Variants in MACROD2 observed in about 807,000 individuals in gnomAD.
The protein encoded by MACROD2 is mono-ADP ribosylhydrolase 2, also known as ADP-ribose glycohydrolase MACROD2.
In MACROD2, 36 loss-of-function variants were observed where a neutral mutation model predicts 70.4. The observed-to-expected ratio is 0.51, with a 90% confidence interval of 0.39 to 0.68. The LOEUF (loss-of-function observed/expected upper bound fraction) is 0.68. Among genes scored for constraint, MACROD2 ranks in the 30% least tolerant of loss-of-function variants. MACROD2 has a pLI of 0.00. For missense variants in MACROD2, 496 were observed against 538.4 expected, an observed-to-expected ratio of 0.92 and a Z score of 0.78; for synonymous variants, 172 against 178.8, an observed-to-expected ratio of 0.96 and a Z score of 0.30.
intron 8 of MACROD2, among the ~76,000 whole-genome samples, chr20:15,696,447 T>A (rs6034263): frequency 0.29 from 44,196 of 152,024 alleles, 8,585 homozygotes; most frequent in African/African-American, 0.56. Flanking sequence ...TCAGTTAGCT[T>A]GTATTTTGTT....
At chr20:15,423,870 AAAC>A (rs2046262420) in intron 6 of MACROD2, among the ~76,000 whole-genome samples, 1 of 151,986 alleles carries the variant, frequency 6.6e-6, no homozygotes, top group Non-Finnish European at 1.5e-5. Context: ...ACTGTGATTT[AAAC>A]AACAAGCATT....
chr20:15,214,784 G>A (rs2076794389), intron 5 of MACROD2, among the ~76,000 whole-genome samples: 1 of 152,146 alleles, frequency 6.6e-6, no homozygotes, highest in Admixed American at 6.5e-5. Flanking sequence ...TCCTTCAGGA[G>A]GAGATAAGCA....
intron 5 of MACROD2, among the ~76,000 whole-genome samples, chr20:14,728,730 G>A (rs2071559254): frequency 6.6e-6 from 1 of 152,000 alleles, no homozygotes; most frequent in Admixed American, 6.6e-5. Context: ...AATACCACAA[G>A]GAAGAATAGA....
At chr20:14,076,692 C>T (rs973604065) in intron 2 of MACROD2, among the ~76,000 whole-genome samples, 1 of 151,700 alleles carries the variant, frequency 6.6e-6, no homozygotes, top group Non-Finnish European at 1.5e-5. Context: ...ACCTTCCACC[C>T]CCCAAAGAAG....
At chr20:14,613,495 G>C (rs569264873) in intron 4 of MACROD2, among the ~76,000 whole-genome samples, 1 of 152,058 alleles carries the variant, frequency 6.6e-6, no homozygotes, top group African/African-American at 2.4e-5. Flanking sequence ...CAGTGGGGAG[G>C]AAGAAAGAAG....
At chr20:14,692,649 A>T (rs1185380344) in intron 5 of MACROD2, among the ~76,000 whole-genome samples, 1 of 152,186 alleles carries the variant, frequency 6.6e-6, no homozygotes, top group Non-Finnish European at 1.5e-5. Context: ...GACACTCAAG[A>T]GAGAACAACA....
intron 5 of MACROD2, among the ~76,000 whole-genome samples, chr20:14,955,313 A>T (rs2074526165): frequency 1.4e-5 from 2 of 143,182 alleles, no homozygotes; most frequent in South Asian, 4.2e-4. Flanking sequence ...TTTTTATTAT[A>T]TATAATTTAT....
intron 3 of MACROD2, among the ~76,000 whole-genome samples, chr20:14,340,307 A>T (rs2083000039): frequency 6.6e-6 from 1 of 152,206 alleles, no homozygotes; most frequent in Non-Finnish European, 1.5e-5. Flanking sequence ...TGGCTTTGCC[A>T]CATGACTGTA....
At chr20:15,303,937 A>G (rs1050058242) in intron 6 of MACROD2, among the ~76,000 whole-genome samples, 2 of 152,200 alleles carry the variant, frequency 1.3e-5, no homozygotes, top group African/African-American at 4.8e-5. Context: ...CTCACCTAGA[A>G]TGAATCAAGT....
intron 8 of MACROD2, among the ~76,000 whole-genome samples, chr20:15,799,481 A>G (rs1462400169): frequency 6.6e-6 from 1 of 152,090 alleles, no homozygotes; most frequent in Non-Finnish European, 1.5e-5. Context: ...GGGAACCATC[A>G]TTCTATCCCT....
chr20:15,342,740 A>G lies in MACROD2; in HGVS notation c.541-88665A>G, dbSNP rs555014219. Reference sequence around the variant, plus strand: ...ACATTAAATGGATTAAGGAGAAAGCAAGAAAAGAGTGAAAGTGGGGAGGGG... The same window carrying G: ...ACATTAAATGGATTAAGGAGAAAGCGAGAAAAGAGTGAAAGTGGGGAGGGG... On this transcript the variant is annotated intron_variant, in intron 6 of 17. Coordinates refer to ENST00000684519, the MANE Select transcript of MACROD2 (RefSeq NM_001351661.2). 3.3e-5 allele frequency among the ~76,000 whole-genome samples: 5 copies of G among 152,306 alleles called. No individual in the cohort carries two copies. The South Asian group carries it at 6.2e-4, about 19-fold the overall frequency.
At chr20:15,406,017 T>C (rs1489037365) in intron 6 of MACROD2, among the ~76,000 whole-genome samples, 2 of 152,212 alleles carry the variant, frequency 1.3e-5, no homozygotes, top group Non-Finnish European at 1.5e-5. Context: ...TGTCTGCTAC[T>C]GTCTACCCAG....
chr20:15,708,379 G>T (rs1289285684), intron 8 of MACROD2, among the ~76,000 whole-genome samples: 2 of 152,128 alleles, frequency 1.3e-5, no homozygotes, highest in Non-Finnish European at 2.9e-5. Context: ...GGGAGGGCTT[G>T]GCTGAGAAGG....
At chr20:16,024,486 T>C (rs1195011832) in intron 15 of MACROD2, among the ~76,000 whole-genome samples, 1 of 149,054 alleles carries the variant, frequency 6.7e-6, no homozygotes, top group African/African-American at 2.5e-5. Context: ...ACCCAACCCA[T>C]GCAGCCATGT....
intron 4 of MACROD2, among the ~76,000 whole-genome samples, chr20:14,504,805 A>G (rs2084951403): frequency 1.3e-5 from 2 of 152,326 alleles, no homozygotes; most frequent in African/African-American, 4.8e-5. Flanking sequence ...GTATTTATAA[A>G]TAACAGAAAT....
At chr20:14,142,577 C>T (rs914951101) in intron 3 of MACROD2, among the ~76,000 whole-genome samples, 2 of 152,150 alleles carry the variant, frequency 1.3e-5, no homozygotes, top group Non-Finnish European at 2.9e-5. Flanking sequence ...GCTGCCACCA[C>T]ACTTATTATT....
At chr20:15,835,899 T>TG (rs1405030168) in intron 8 of MACROD2, among the ~76,000 whole-genome samples, 2 of 152,202 alleles carry the variant, frequency 1.3e-5, no homozygotes, top group African/African-American at 2.4e-5. Flanking sequence ...CCTGTAAAGT[T>TG]GCTTGCAGAA....
intron 8 of MACROD2, among the ~76,000 whole-genome samples, chr20:15,564,444 G>A (rs1356323164): frequency 6.6e-6 from 1 of 152,160 alleles, no homozygotes; most frequent in African/African-American, 2.4e-5. Context: ...TTTACAAGTT[G>A]AAAATGTATT....
At chr20:15,387,893 C>G (rs1212301485) in intron 6 of MACROD2, among the ~76,000 whole-genome samples, 3 of 151,404 alleles carry the variant, frequency 2.0e-5, no homozygotes, top group African/African-American at 7.3e-5. Context: ...CAGGTGCATG[C>G]CACCATGTCC....
Sources: allele counts gnomAD v4.1 joint callset (sites outside exome capture counted in the v4.1 genomes callset), GRCh38; gene constraint gnomAD v4.1.1; transcripts MANE v1.5; gene names NCBI Gene and HGNC (gene_info 2026-07-23, HGNC 2026-07-21).